VAV1: variants seen among roughly 807,000 people sequenced by gnomAD.
VAV1 encodes proto-oncogene vav.
VAV1 carries 33 observed loss-of-function variants against 128.1 expected under a neutral mutation model. The observed-to-expected ratio is 0.26, with a 90% CI of 0.20 to 0.34. The LOEUF (loss-of-function observed/expected upper bound fraction) is 0.34, where lower values mean the gene tolerates loss of function less well. Ranked by LOEUF, VAV1 falls within the 10% of genes least tolerant of loss-of-function variation. The probability of loss-of-function intolerance (pLI) is 1.00; values close to 1 mark genes in which losing one functional copy is unlikely to be tolerated. For synonymous variants in VAV1, 394 were observed against 409.8 expected (o/e 0.96, Z 0.47); for missense variants, 715 against 1,093.7 (o/e 0.65, Z 4.88).
rs1316159395 is a variant in VAV1 at position 6,828,757 on chromosome 19, G to T, written c.1179+49G>T. The T allele has an allele frequency of 6.2e-7, 1 of 1,614,028 alleles. No individual in the cohort carries two copies. On this transcript the variant is annotated intron_variant, in intron 12 of 26. Coordinates refer to ENST00000602142, the MANE Select transcript of VAV1 (RefSeq NM_005428.4). This position sits in a 1 kb window ranked among gnomAD's most constrained non-coding sequence, Gnocchi z 4.5. ...CCAGGGGTGTGGCCACGTGGGGAGA[G>T]TGTGTGTCTGGCTCCTTTCTTGGGA...
At chr19:6,824,113 AT>A (rs911305067) in intron 6 of VAV1, among the ~76,000 whole-genome samples, 1 of 150,920 alleles carries the variant, frequency 6.6e-6, no homozygotes, top group Admixed American at 6.6e-5. Context: ...TAATTCTTTA[AT>A]TTTTTTTGTA....
intron 15 of VAV1, 21 bp downstream of exon 15, chr19:6,832,221 C>T (rs2144789528): frequency 6.2e-7 from 1 of 1,611,058 alleles, no homozygotes; most frequent in Non-Finnish European, 8.5e-7. Context: ...GTCTTCCTCC[C>T]TCTTTCTGTC....
At position 6,822,525 on chromosome 19, in the gene VAV1, C is replaced by T. The variant is rs925280847; in HGVS notation, c.654+11C>T. The T allele has an allele frequency of 3.2e-6, 5 of 1,544,592 alleles. No individual in the cohort carries two copies. Among genetic ancestry groups the T allele is most frequent in the Non-Finnish European group, 4.4e-6 (5 of 1,146,780 alleles). ...GGCTCCATCCAGCAGGTGGGCGCCTCCCACCCAGCGCCTGCCGGGCGCATG... is the reference window on the plus strand; with the variant it reads ...GGCTCCATCCAGCAGGTGGGCGCCTTCCACCCAGCGCCTGCCGGGCGCATG... On this transcript the variant is annotated intron_variant, in intron 6 of 26. Coordinates refer to ENST00000602142, the MANE Select transcript of VAV1 (RefSeq NM_005428.4). This position sits in a 1 kb window ranked among gnomAD's most constrained non-coding sequence, Gnocchi z 5.9.
Position 6,780,501 on chromosome 19 carries a change from C to G in VAV1, c.204+7490C>G, listed in dbSNP as rs567440411. Among the ~76,000 whole-genome samples the G allele has an allele frequency of 1.8e-4, 27 of 150,550 alleles. 1 individual carries two copies. Among genetic ancestry groups the G allele is most frequent in the Middle Eastern group, 3.4e-3 (1 of 290 alleles). ...AACCTATTGCTCCTAGCTACAAACCCGTACAGCATGGGACTGCACTGAATA... is the reference window on the plus strand; with the variant it reads ...AACCTATTGCTCCTAGCTACAAACCGGTACAGCATGGGACTGCACTGAATA... On this transcript the variant is annotated intron_variant, in intron 1 of 26. Transcript: ENST00000602142.
rs939327694 is a variant in VAV1 at position 6,774,169 on chromosome 19, G to C, written c.204+1158G>C. ...TTGAGACGGAGTCTCACTCTGTCAC[G>C]CAGGCTGGAGTGCAATGGCACCATC... On this transcript the variant is annotated intron_variant, in intron 1 of 26. Coordinates refer to ENST00000602142, the MANE Select transcript of VAV1 (RefSeq NM_005428.4). 4.0e-5 allele frequency among the ~76,000 whole-genome samples: 6 copies of C among 151,778 alleles called. No homozygotes were observed. The South Asian group carries it at 1.0e-3, about 26-fold the overall frequency.
At chr19:6,816,968 G>A (rs556233055) in intron 1 of VAV1, among the ~76,000 whole-genome samples, 1 of 151,774 alleles carries the variant, frequency 6.6e-6, no homozygotes, top group Admixed American at 6.6e-5. Context: ...CATCTCAAAA[G>A]GGTATAAACA....
rs1445492666 is a variant in VAV1 at position 6,836,242 on chromosome 19, A to G, written c.1778-190A>G. 3 of 671,276 alleles carry G rather than the reference A, an allele frequency of 4.5e-6. No individual in the cohort carries two copies. The African/African-American group carries it at 5.5e-5, about 12-fold the overall frequency. The allele number at this position is 671,276 out of a possible 1,614,324, so 41.6% of individuals were successfully genotyped here. A position where few individuals can be genotyped will look rare whatever the true frequency, so the allele number is the denominator to read the frequency against. On this transcript the variant is annotated intron_variant, in intron 19 of 26. Transcript: ENST00000602142. ...TAGATACAATGTTTAGCTTCAGTAGATATTGCCAAATAGTTTTACAAAGAG... is the reference window on the plus strand; with the variant it reads ...TAGATACAATGTTTAGCTTCAGTAGGTATTGCCAAATAGTTTTACAAAGAG...
Position 6,828,310 on chromosome 19 carries a change from G to T in VAV1, c.1024-109G>T. On this transcript the variant is annotated intron_variant, in intron 10 of 26. Coordinates refer to ENST00000602142, the MANE Select transcript of VAV1 (RefSeq NM_005428.4). The surrounding 1 kb of genome is among the most constrained non-coding windows in gnomAD (Gnocchi z 4.5). ...CACTGGGGTCATGTCTCAGCCTCCA[G>T]GGTCAGCAGTACGATGGAGGAGCTG... 1.3e-6 allele frequency: 2 copies of T among 1,531,240 alleles called. No homozygotes were observed. Among genetic ancestry groups the T allele is most frequent in the Middle Eastern group, 4.4e-4 (2 of 4,508 alleles). The allele number at this position is 1,531,240 out of a possible 1,614,324, so 94.9% of individuals were successfully genotyped here.
rs1042220021 is a variant in VAV1 at position 6,777,251 on chromosome 19, A to G, written c.204+4240A>G. On this transcript the variant is annotated intron_variant, in intron 1 of 26. Transcript: ENST00000602142. The surrounding 1 kb of genome is among the most constrained non-coding windows in gnomAD (Gnocchi z 4.4). ...TGTTTAACTATCCATCCATCCATCC[A>G]TCCATCCATCCATCCATCCATCCAT... Among the ~76,000 whole-genome samples, 4 of 126,116 alleles carry G rather than the reference A, an allele frequency of 3.2e-5. No homozygotes were observed. Among genetic ancestry groups the G allele is most frequent in the Admixed American group, 3.1e-4 (4 of 12,970 alleles). 82.7% of individuals were successfully genotyped at this position (126,116 alleles called of 152,430 possible).
chr19:6,818,157 T>C (rs1190392389), intron 1 of VAV1, among the ~76,000 whole-genome samples: 4 of 152,142 alleles, frequency 2.6e-5, no homozygotes, highest in African/African-American at 9.7e-5. Context: ...TCTCCCTGTG[T>C]TGACCAGGCT....
At chr19:6,804,764 C>T (rs568254522) in intron 1 of VAV1, among the ~76,000 whole-genome samples, 6 of 147,198 alleles carry the variant, frequency 4.1e-5, no homozygotes, top group African/African-American at 1.5e-4. Flanking sequence ...TGCTCTGTCG[C>T]ACAGGCTGGA....
intron 1 of VAV1, among the ~76,000 whole-genome samples, chr19:6,789,593 C>CTCCCTTCCTTCCTTCCTTCCTTCCT (rs1555698636): frequency 5.3e-5 from 8 of 149,992 alleles, no homozygotes; most frequent in African/African-American, 2.0e-4. Context: ...TTTTCTTTCC[C>CTCCCTTCCTTCCTTCCTTCCTTCCT]TCCTTCCTTC....
At chr19:6,843,346 C>T (rs1288851499) in intron 22 of VAV1, among the ~76,000 whole-genome samples, 180 bp downstream of exon 22, 1 of 152,034 alleles carries the variant, frequency 6.6e-6, no homozygotes. Flanking sequence ...GAGGGTCCCT[C>T]ACCTTGGGAG....
At chr19:6,785,853 T>A (rs1970880469) in intron 1 of VAV1, among the ~76,000 whole-genome samples, 1 of 151,784 alleles carries the variant, frequency 6.6e-6, no homozygotes, top group Non-Finnish European at 1.5e-5. Flanking sequence ...AGAGATGGGG[T>A]TTCACCATGT....
At chr19:6,776,284 TCATCCATC>T (rs59236244) in intron 1 of VAV1, among the ~76,000 whole-genome samples, 1,985 of 100,762 alleles carry the variant, frequency 0.02, 52 homozygotes, top group African/African-American at 0.065. Flanking sequence ...ATCTATCCAC[TCATCCATC>T]CATCCATCCA....
chr19:6,802,867 C>T (rs770182202), intron 1 of VAV1, among the ~76,000 whole-genome samples: 169 of 152,232 alleles, frequency 1.1e-3, no homozygotes, highest in Non-Finnish European at 1.6e-3. Context: ...TTTATTCATT[C>T]GACAGATTTT....
intron 1 of VAV1, among the ~76,000 whole-genome samples, chr19:6,814,108 T>A (rs1463847845): frequency 6.6e-6 from 1 of 152,042 alleles, no homozygotes; most frequent in Non-Finnish European, 1.5e-5. Flanking sequence ...AAACACTGAG[T>A]CTTGCTAGAA....
At chr19:6,786,481 A>C (rs933284499) in intron 1 of VAV1, among the ~76,000 whole-genome samples, 3 of 152,126 alleles carry the variant, frequency 2.0e-5, no homozygotes, top group African/African-American at 7.2e-5. Context: ...TTAATTTAAA[A>C]AATTAAAAAT....
chr19:6,789,668 G>A (rs1057394470), intron 1 of VAV1, among the ~76,000 whole-genome samples: 2 of 151,366 alleles, frequency 1.3e-5, no homozygotes, highest in African/African-American at 4.9e-5. Context: ...TGTGATCTTG[G>A]CTCACTGCAA....
Sources: allele counts gnomAD v4.1 joint callset (sites outside exome capture counted in the v4.1 genomes callset), GRCh38; gene constraint gnomAD v4.1.1; non-coding constraint Gnocchi (gnomAD v3.1); transcripts MANE v1.5; gene names NCBI Gene and HGNC (gene_info 2026-07-23, HGNC 2026-07-21).